The following DNER variants were observed in gnomAD, a reference collection of about 807,000 sequenced individuals.
The protein encoded by DNER is delta/notch like EGF repeat containing.
Under a neutral mutation model 78.2 loss-of-function variants are expected in DNER, and 33 were observed. The ratio of observed to expected loss-of-function variants is 0.42; its 90% CI spans 0.32 to 0.56. The LOEUF (loss-of-function observed/expected upper bound fraction) is 0.56. DNER is among the 20% of genes least tolerant of loss of function. DNER has a pLI of 0.11. For missense variants in DNER, 918 were observed against 975.3 expected (o/e 0.94, Z 0.78); for synonymous variants, 417 against 384.8 (o/e 1.08, Z -0.98).
intron 1 of DNER, among the ~76,000 whole-genome samples, chr2:229,696,168 G>A (rs544587642): frequency 6.6e-6 from 1 of 152,250 alleles, no homozygotes; most frequent in South Asian, 2.1e-4. Flanking sequence ...CAAGCACAGG[G>A]GGTCCCACCC....
intron 6 of DNER, among the ~76,000 whole-genome samples, chr2:229,498,164 G>A (rs544972175): frequency 1.3e-5 from 2 of 152,238 alleles, no homozygotes; most frequent in South Asian, 4.2e-4. Flanking sequence ...TTAAAAGAAT[G>A]AAGGGCAAAA....
intron 4 of DNER, among the ~76,000 whole-genome samples, chr2:229,577,377 T>C (rs970944298): frequency 6.6e-6 from 1 of 152,022 alleles, no homozygotes; most frequent in African/African-American, 2.4e-5. Context: ...GTTCTAGAAG[T>C]GTGGATAGGC....
chr2:229,444,304 C>G (rs1389055001), intron 8 of DNER, among the ~76,000 whole-genome samples: 1 of 152,188 alleles, frequency 6.6e-6, no homozygotes. Flanking sequence ...CTGCCTGCCT[C>G]TCATTTCATG....
chr2:229,428,026 G>A lies in DNER; in HGVS notation c.1487-9796C>T, dbSNP rs571915522. On this transcript the variant is annotated intron_variant, in intron 8 of 12. Transcript: ENST00000341772. ...GGAGGCAGAGGTTGCAGTGAGCTGGGATCGCACCACTGCATTCTAGCCTGG... is the reference window on the plus strand; with the variant it reads ...GGAGGCAGAGGTTGCAGTGAGCTGGAATCGCACCACTGCATTCTAGCCTGG... 7.8e-4 allele frequency among the ~76,000 whole-genome samples: 117 copies of A among 150,154 alleles called. 1 individual carries two copies. Among genetic ancestry groups the A allele is most frequent in the South Asian group, 1.7e-3 (8 of 4,768 alleles).
chr2:229,554,934 AGAGAGAAAAGGG>A (rs1696828167), intron 4 of DNER, among the ~76,000 whole-genome samples: 484 of 30,990 alleles, frequency 0.016, no homozygotes, highest in Non-Finnish European at 0.019. Flanking sequence ...AGAGAAGAGA[AGAGAGAAAAGGG>A]AAGGGAAGGG....
chr2:229,678,239 C>T (rs1437604829), intron 1 of DNER, among the ~76,000 whole-genome samples: 2 of 152,114 alleles, frequency 1.3e-5, no homozygotes, highest in African/African-American at 4.8e-5. Flanking sequence ...GTTAGTGTCC[C>T]CTTCGTATTT....
intron 1 of DNER, among the ~76,000 whole-genome samples, chr2:229,691,817 G>A (rs1699578532): frequency 6.6e-6 from 1 of 152,006 alleles, no homozygotes; most frequent in Non-Finnish European, 1.5e-5. Flanking sequence ...TGACCAATCA[G>A]CAGAATCTAA....
Position 229,585,922 on chromosome 2 carries a change from A to G in DNER, c.783T>C (p.Leu261=). 6.2e-7 allele frequency: 1 copy of G among 1,614,062 alleles called. No individual in the cohort carries two copies. Among genetic ancestry groups the G allele is most frequent in the Non-Finnish European group, 8.5e-7 (1 of 1,179,998 alleles). ...GGAGGACCAGTCCCCCTGAAGCCTG[A>G]AGGGGGGTCACACTTCGTCCATCTA... ...SLIDGRSVTP[L]QASGGLVLLE... Residue 261 remains leucine (L), a synonymous_variant, in exon 4 of 13, where the codon CTT becomes CTC. Coordinates refer to ENST00000341772, the MANE Select transcript of DNER (RefSeq NM_139072.4).
At chr2:229,485,240 C>A (rs191797611) in intron 6 of DNER, among the ~76,000 whole-genome samples, 1 of 152,108 alleles carries the variant, frequency 6.6e-6, no homozygotes, top group Non-Finnish European at 1.5e-5. Context: ...ACTCAGGCTT[C>A]GTGCTTTTAA....
chr2:229,468,224 A>T (rs1407632776), intron 7 of DNER, among the ~76,000 whole-genome samples: 1 of 152,234 alleles, frequency 6.6e-6, no homozygotes, highest in African/African-American at 2.4e-5. Flanking sequence ...CTGAAATAAA[A>T]TTGCTAATAG....
intron 12 of DNER, among the ~76,000 whole-genome samples, chr2:229,364,847 T>C (rs1343370490): frequency 3.7e-5 from 5 of 136,602 alleles, no homozygotes; most frequent in African/African-American, 5.5e-5. Context: ...TCTCTCTCTT[T>C]TTTTTTTTTT....
At chr2:229,608,303 T>A (rs1697978693) in intron 1 of DNER, among the ~76,000 whole-genome samples, 1 of 152,212 alleles carries the variant, frequency 6.6e-6, no homozygotes, top group Non-Finnish European at 1.5e-5. Flanking sequence ...GTCACACCTG[T>A]CAGTGTGTCC....
At chr2:229,371,100 C>T (rs907361521) in intron 11 of DNER, among the ~76,000 whole-genome samples, 6 of 152,202 alleles carry the variant, frequency 3.9e-5, no homozygotes, top group African/African-American at 1.2e-4. Context: ...TCTCCCCCTG[C>T]CCTTTTCTTT....
chr2:229,504,022 G>A (rs188361280), intron 6 of DNER, among the ~76,000 whole-genome samples: 173 of 152,210 alleles, frequency 1.1e-3, no homozygotes, highest in African/African-American at 4.1e-3. Context: ...GGGATTACAG[G>A]CGTGAACTAC....
chr2:229,468,102 T>C (rs1411423349), intron 7 of DNER, among the ~76,000 whole-genome samples: 1 of 152,196 alleles, frequency 6.6e-6, no homozygotes, highest in Non-Finnish European at 1.5e-5. Flanking sequence ...ATTATGACAG[T>C]GAAAGAAATC....
intron 1 of DNER, among the ~76,000 whole-genome samples, chr2:229,680,073 A>G (rs1250735767): frequency 6.6e-6 from 1 of 152,240 alleles, no homozygotes; most frequent in African/African-American, 2.4e-5. Flanking sequence ...TGAAGTAGTA[A>G]TTCTGAATTC....
intron 9 of DNER, among the ~76,000 whole-genome samples, chr2:229,410,610 G>A (rs1693489257): frequency 6.6e-6 from 1 of 152,150 alleles, no homozygotes; most frequent in Non-Finnish European, 1.5e-5. Context: ...TTAGTCTCAA[G>A]CAAAAATAAA....
intron 1 of DNER, among the ~76,000 whole-genome samples, chr2:229,607,762 C>G (rs1291620201): frequency 6.6e-6 from 1 of 152,024 alleles, no homozygotes; most frequent in African/African-American, 2.4e-5. Context: ...ATAGCTCACA[C>G]CTGTAATCCC....
intron 11 of DNER, among the ~76,000 whole-genome samples, chr2:229,376,349 A>C (rs1692600613): frequency 1.3e-5 from 2 of 152,094 alleles, no homozygotes; most frequent in African/African-American, 4.8e-5. Context: ...AGAAGGCCCT[A>C]TCTATGAGGA....
Sources: gnomAD v4.1 joint callset for allele counts (sites outside exome capture counted in the v4.1 genomes callset) on GRCh38, gnomAD v4.1.1 for gene constraint, MANE v1.5 for transcripts, NCBI Gene and HGNC (gene_info 2026-07-23, HGNC 2026-07-21) for gene names.